Variants in RHOBTB2 observed in about 807,000 individuals in gnomAD.
RHOBTB2 encodes the protein rho-related BTB domain-containing protein 2.
Under a neutral mutation model 66.5 loss-of-function variants are expected in RHOBTB2, and 39 were observed. That is an observed-to-expected ratio of 0.59 (90% confidence interval 0.45 to 0.77). RHOBTB2 has a LOEUF of 0.77. Ranked by LOEUF, RHOBTB2 falls within the 30% of genes least tolerant of loss-of-function variation. The pLI is 0.00. For missense variants in RHOBTB2, 755 were observed against 999.1 expected, an observed-to-expected ratio of 0.76 and a Z score of 3.29; for synonymous variants, 390 against 395.0, an observed-to-expected ratio of 0.99 and a Z score of 0.15.
the RHOBTB2 span, among the ~76,000 whole-genome samples, chr8:22,972,946 G>A: frequency 2.0e-5 from 3 of 152,120 alleles, no homozygotes; most frequent in Non-Finnish European, 4.4e-5. Flanking sequence ...GCAGTTTCCC[G>A]GGAAGGCATG....
intron 7 of RHOBTB2, 41 bp from the exon 8 acceptor site, chr8:23,014,649 C>T (rs1446468832): frequency 1.3e-6 from 2 of 1,567,822 alleles, no homozygotes; most frequent in African/African-American, 2.7e-5. Flanking sequence ...GAGCACAGGT[C>T]ATGTGCTTCT....
the RHOBTB2 span, among the ~76,000 whole-genome samples, chr8:22,982,217 T>C: frequency 6.6e-6 from 1 of 152,218 alleles, no homozygotes. Context: ...CTGGGCAAGA[T>C]GACAGTGTGT....
Position 23,007,092 on chromosome 8 carries a change from A to G in RHOBTB2, c.847A>G (p.Ile283Val), listed in dbSNP as rs1810982419. Residue 283 changes from isoleucine to valine, a missense_variant, in exon 5 of 10, where the codon ATC becomes GTC. Coordinates refer to ENST00000251822, the MANE Select transcript of RHOBTB2 (RefSeq NM_015178.3). Reference protein sequence around the residue: ...QERVRIFAHKIYLSTSSSKFY... With the variant: ...QERVRIFAHKVYLSTSSSKFY... ...GCGGGTGCGCATCTTTGCCCACAAG[A>G]TCTACCTCTCCACCTCTTCCTCCAA... 13 of 1,610,878 alleles carry G rather than the reference A, an allele frequency of 8.1e-6. No individual in the cohort carries two copies. Among genetic ancestry groups the G allele is most frequent in the Non-Finnish European group, 1.1e-5 (13 of 1,179,826 alleles).
At chr8:22,980,721 G>GT in the RHOBTB2 span, among the ~76,000 whole-genome samples, 1 of 152,082 alleles carries the variant, frequency 6.6e-6, no homozygotes, top group African/African-American at 2.4e-5. Flanking sequence ...CCAACACCAA[G>GT]TTTTTTTAAA....
At chr8:22,991,803 G>A (rs1181027294) in intron 1 of RHOBTB2, among the ~76,000 whole-genome samples, 1 of 152,216 alleles carries the variant, frequency 6.6e-6, no homozygotes, top group Non-Finnish European at 1.5e-5. Context: ...GCCCTTCCCA[G>A]GTGGCCCCTG....
chr8:22,979,696 TTTTTTTCTTTTTTC>T, the RHOBTB2 span, among the ~76,000 whole-genome samples: 5 of 151,188 alleles, frequency 3.3e-5, no homozygotes. Context: ...GGGAATTCTT[TTTTTTTCTTTTTTC>T]TTTTTTCTTT....
In RHOBTB2 at chr8:23,006,276, A is replaced by G; in HGVS notation, c.482+131A>G. Reference sequence around the variant, plus strand: ...TTGGAGCAAGCTTGCATTGGGAGTCAACAAGCATGCTCATTCATTCATTCA... The same window carrying G: ...TTGGAGCAAGCTTGCATTGGGAGTCGACAAGCATGCTCATTCATTCATTCA... On this transcript the variant is annotated intron_variant, in intron 4 of 9. Coordinates refer to ENST00000251822, the MANE Select transcript of RHOBTB2 (RefSeq NM_015178.3). The surrounding 1 kb of genome is among the most constrained non-coding windows in gnomAD (Gnocchi z 6.1). 1 of 759,146 alleles carries G rather than the reference A, an allele frequency of 1.3e-6. No individual in the cohort carries two copies. The highest frequency in any genetic ancestry group is 2.2e-6 in the Non-Finnish European group (1 of 462,066). The allele number at this position is 759,146 out of a possible 1,614,324, so 47.0% of individuals were successfully genotyped here.
At chr8:22,985,813 G>T (rs1396736926), upstream of RHOBTB2, among the ~76,000 whole-genome samples, 1 of 152,154 alleles carries the variant, frequency 6.6e-6, no homozygotes, top group Non-Finnish European at 1.5e-5. Flanking sequence ...TCTGCCTGGA[G>T]TCACTCTTCG....
At chr8:22,996,926 G>C (rs917248946), upstream of RHOBTB2, among the ~76,000 whole-genome samples, 2 of 152,192 alleles carry the variant, frequency 1.3e-5, no homozygotes, top group Non-Finnish European at 2.9e-5. Context: ...GGTACCAGGG[G>C]CTGGAGGCTG....
At chr8:22,994,151 C>A (rs61192131) in intron 2 of RHOBTB2, among the ~76,000 whole-genome samples, 1 of 152,206 alleles carries the variant, frequency 6.6e-6, no homozygotes, top group African/African-American at 2.4e-5. Flanking sequence ...TTGGAGGTCA[C>A]CTGACCTGGC....
At position 23,013,326 on chromosome 8, in the gene RHOBTB2, C is replaced by T. The variant is rs941438641; in HGVS notation, c.1772-1364C>T. ...GCTGGCCACCAGAAGTCCTCCACCT[C>T]TCCCTCCTCTCTCACAGACCCCTCT... On this transcript the variant is annotated intron_variant, in intron 7 of 9. Coordinates refer to ENST00000251822, the MANE Select transcript of RHOBTB2 (RefSeq NM_015178.3). 2.2e-4 allele frequency among the ~76,000 whole-genome samples: 34 copies of T among 152,152 alleles called. 1 individual carries two copies. In the South Asian group the frequency reaches 7.0e-3, roughly 32 times the overall value.
the RHOBTB2 span, among the ~76,000 whole-genome samples, chr8:22,967,201 T>C: frequency 6.6e-6 from 1 of 152,204 alleles, no homozygotes. Context: ...AAATGTCATA[T>C]ACACATACAG....
intron 1 of RHOBTB2, among the ~76,000 whole-genome samples, chr8:22,987,942 G>A (rs148443900): frequency 1.3e-5 from 2 of 152,120 alleles, no homozygotes; most frequent in Non-Finnish European, 2.9e-5. Flanking sequence ...TGGCCAGGAC[G>A]GAACGGAAGG....
At chr8:22,988,131 C>T (rs938142642) in intron 1 of RHOBTB2, among the ~76,000 whole-genome samples, 1 of 148,656 alleles carries the variant, frequency 6.7e-6, no homozygotes, top group Non-Finnish European at 1.5e-5. Flanking sequence ...TCTCCAGCAT[C>T]TCTGTTGTCC....
the RHOBTB2 span, among the ~76,000 whole-genome samples, chr8:22,953,607 T>C: frequency 1.3e-5 from 2 of 152,252 alleles, no homozygotes; most frequent in Admixed American, 1.3e-4. Flanking sequence ...CCTTTAGAAA[T>C]GAGGAAATTA....
chr8:22,977,571 C>CAAAAA, the RHOBTB2 span, among the ~76,000 whole-genome samples: 1 of 136,588 alleles, frequency 7.3e-6, no homozygotes. Flanking sequence ...GACCCTTTCT[C>CAAAAA]AAAAAAAAAA....
Position 22,999,649 on chromosome 8 carries a change from T to C in RHOBTB2, c.-467T>C. The C allele has an allele frequency of 8.0e-7, 1 of 1,246,618 alleles. No homozygotes were observed. The highest frequency in any genetic ancestry group is 1.0e-6 in the Non-Finnish European group (1 of 972,432). 77.2% of individuals were successfully genotyped at this position (1,246,618 alleles called of 1,614,324 possible). On this transcript the variant is annotated 5_prime_UTR_variant, in exon 1 of 10. Coordinates refer to ENST00000251822, the MANE Select transcript of RHOBTB2 (RefSeq NM_015178.3). ...TTTTTTTTTCCCTATCCTTTTTTTG[T>C]GAATGAAAAAAGGAGGTCGCGAGCG...
intron 9 of RHOBTB2, 35 bp downstream of exon 9, chr8:23,015,778 G>A (rs1297308578): frequency 6.2e-6 from 9 of 1,446,032 alleles, no homozygotes; most frequent in Non-Finnish European, 8.7e-6. Context: ...AGTACCTGCT[G>A]CCCTCCCCTT....
chr8:22,986,883 C>T (rs1462846288), upstream of RHOBTB2, among the ~76,000 whole-genome samples: 19 of 152,338 alleles, frequency 1.2e-4, no homozygotes. Context: ...CACTGTGAGC[C>T]GATAGCTTTT....
Sources: gnomAD v4.1 joint callset for allele counts (sites outside exome capture counted in the v4.1 genomes callset) on GRCh38, gnomAD v4.1.1 for gene constraint, Gnocchi (gnomAD v3.1) non-coding constraint, MANE v1.5 for transcripts, NCBI Gene and HGNC (gene_info 2026-07-23, HGNC 2026-07-21) for gene names.